Variants in EPG5 observed in about 807,000 individuals in gnomAD.
The protein encoded by EPG5 is ectopic P-granules 5 autophagy tethering factor.
EPG5 carries 159 observed loss-of-function variants against 302.7 expected under a neutral mutation model. The observed-to-expected ratio is 0.53, with a 90% CI of 0.46 to 0.60. EPG5 has a LOEUF of 0.60. EPG5 is among the 20% of genes least tolerant of loss of function. The pLI is 0.00. For synonymous variants in EPG5, 1,158 were observed against 1,136.8 expected (o/e 1.02, Z -0.37); for missense variants, 2,896 against 3,092.4 (o/e 0.94, Z 1.51).
rs183478189 is a variant in EPG5, at chr18:45,955,139, A to C, written c.263T>G (p.Leu88Ter). 11 of 1,614,012 alleles carry C rather than the reference A, an allele frequency of 6.8e-6. No individual in the cohort carries two copies. In the Admixed American group the frequency reaches 1.7e-4, roughly 24 times the overall value. ...CAGGGACTCTTCATTGCTTATAGTT[A>C]AGGAGGTGAGTGGTACATCAAACAT... Reference protein sequence around the residue: ...SEMFDVPLTSLTISNEESLTC... With the variant: ...SEMFDVPLTS The change falls in exon 2 of 44, where the codon TTA (leucine) becomes TGA (stop). Residue 88 changes from leucine (L) to a stop codon, truncating the protein, a stop_gained. Coordinates refer to ENST00000282041, the MANE Select transcript of EPG5 (RefSeq NM_020964.3). LOFTEE classifies it high-confidence loss of function.
downstream of EPG5, among the ~76,000 whole-genome samples, chr18:45,845,173 G>T (rs944436327): frequency 6.6e-6 from 1 of 152,212 alleles, no homozygotes; most frequent in African/African-American, 2.4e-5. Flanking sequence ...AACGGTGCCA[G>T]GTAATCAGCT....
chr18:45,916,660 A>T, intron 17 of EPG5, 78 bp from the exon 18 acceptor site: 1 of 1,429,140 alleles, frequency 7.0e-7, no homozygotes, highest in Middle Eastern at 1.8e-4. Context: ...TTATGAGGAA[A>T]CAGAAAATTC....
chr18:45,882,832 A>G (rs1042188788), intron 30 of EPG5, among the ~76,000 whole-genome samples: 4 of 151,956 alleles, frequency 2.6e-5, no homozygotes, highest in Non-Finnish European at 5.9e-5. Flanking sequence ...ACATGGAGAA[A>G]TCCGGTCTCT....
At chr18:45,842,461 G>A in the EPG5 span, 1 of 416,366 alleles carries the variant, frequency 2.4e-6, no homozygotes, top group South Asian at 3.6e-5. Flanking sequence ...GAGAGAGAGA[G>A]TACACGCATT....
intron 39 of EPG5, among the ~76,000 whole-genome samples, chr18:45,862,770 C>A (rs2048663467): frequency 6.6e-6 from 1 of 152,188 alleles, no homozygotes; most frequent in Non-Finnish European, 1.5e-5. Context: ...CCAATTAAAC[C>A]TGTTTTCCTT....
At chr18:45,930,591 G>A (rs1247728413) in intron 12 of EPG5, 85 bp downstream of exon 12, 1 of 1,165,712 alleles carries the variant, frequency 8.6e-7, no homozygotes. Flanking sequence ...GTCACAATTT[G>A]TAAAAGCAAT....
At position 45,852,580 on chromosome 18, in the gene EPG5, C is replaced by T. The variant is rs1172390303; in HGVS notation, c.7627G>A (p.Ala2543Thr). ...CCAGGATGCCTTATAAATTGGGTGG[C>T]TTGCAATATTTGATCCTGGTATTCA... ...YVEYQDQILQ[A>T]TQFIRHPGHC... Residue 2543 changes from alanine to threonine, a missense_variant, in exon 44 of 44, where the codon GCC becomes ACC. Physicochemically the swap from Ala to Thr is moderately conservative, Grantham distance 58. Coordinates refer to ENST00000282041, the MANE Select transcript of EPG5 (RefSeq NM_020964.3). 3.1e-6 allele frequency: 5 copies of T among 1,614,160 alleles called. 1 individual carries two copies. Among genetic ancestry groups the T allele is most frequent in the East Asian group, 4.5e-5 (2 of 44,884 alleles).
chr18:45,936,581 A>T (rs2050529007), intron 10 of EPG5, among the ~76,000 whole-genome samples: 1 of 152,024 alleles, frequency 6.6e-6, no homozygotes, highest in South Asian at 2.1e-4. Context: ...TATAAAAATT[A>T]GCCGGGCACG....
At chr18:45,898,291 C>G (rs1217507397) in intron 27 of EPG5, among the ~76,000 whole-genome samples, 5 of 152,184 alleles carry the variant, frequency 3.3e-5, no homozygotes, top group African/African-American at 1.2e-4. Flanking sequence ...TGTGGCACTT[C>G]AGGTGAGCAA....
the EPG5 span, among the ~76,000 whole-genome samples, chr18:45,836,198 G>A: frequency 6.6e-6 from 1 of 152,128 alleles, no homozygotes; most frequent in African/African-American, 2.4e-5. Flanking sequence ...GGTCAGAAAA[G>A]TCATATTTCT....
At chr18:45,878,473 A>G in intron 33 of EPG5, 25 bp from the exon 34 acceptor site, 2 of 1,497,514 alleles carry the variant, frequency 1.3e-6, no homozygotes, top group Non-Finnish European at 1.9e-6. Flanking sequence ...AGACAAAACA[A>G]AGGTCATCAT....
intron 13 of EPG5, among the ~76,000 whole-genome samples, chr18:45,927,744 A>T (rs1356557620): frequency 1.3e-5 from 2 of 152,102 alleles, no homozygotes; most frequent in African/African-American, 2.4e-5. Context: ...AGTCACAAAG[A>T]CCATATATTA....
chr18:45,920,442 G>A (rs191257575), intron 16 of EPG5, among the ~76,000 whole-genome samples: 65 of 152,256 alleles, frequency 4.3e-4, no homozygotes, highest in African/African-American at 1.6e-3. Context: ...ATGTTGCACT[G>A]CTATAAAGGA....
the EPG5 span, among the ~76,000 whole-genome samples, chr18:45,803,599 G>T: frequency 6.6e-6 from 1 of 152,114 alleles, no homozygotes; most frequent in Non-Finnish European, 1.5e-5. Context: ...GAAAGTGAGG[G>T]AGAATCCTCA....
rs1599590858 is a variant in EPG5, at chr18:45,927,831, A to G, written c.2553+1038T>C. On this transcript the variant is annotated intron_variant, in intron 13 of 43. Transcript: ENST00000282041. ...ACATTAGATTAGGGCTTAGGGCCCT[A>G]ATCTATGAAAGGTGCTTAGGACCCC... is the stretch of plus-strand genomic sequence containing the variant. 3.9e-5 allele frequency among the ~76,000 whole-genome samples: 6 copies of G among 152,144 alleles called. 1 individual carries two copies. The highest frequency in any genetic ancestry group is 3.9e-4 in the Admixed American group (6 of 15,286).
chr18:45,872,386 T>C (rs1220297334), intron 35 of EPG5, among the ~76,000 whole-genome samples: 1 of 152,104 alleles, frequency 6.6e-6, no homozygotes, highest in Non-Finnish European at 1.5e-5. Context: ...AACCTGATGG[T>C]TTCTCAACAC....
intron 43 of EPG5, chr18:45,855,329 G>C: frequency 2.4e-6 from 1 of 419,960 alleles, no homozygotes; most frequent in Admixed American, 3.8e-5. Flanking sequence ...TTTAATGCTA[G>C]ACAGACTTTT....
At chr18:45,906,635 C>G (rs2049757700) in intron 24 of EPG5, among the ~76,000 whole-genome samples, 1 of 151,942 alleles carries the variant, frequency 6.6e-6, no homozygotes, top group South Asian at 2.1e-4. Flanking sequence ...CCATAGTACC[C>G]TGTGCATTCC....
At chr18:45,910,796 G>C in intron 22 of EPG5, 54 bp from the exon 23 acceptor site, 4 of 1,441,358 alleles carry the variant, frequency 2.8e-6, no homozygotes, top group Non-Finnish European at 3.8e-6. Context: ...TGTACTTTCT[G>C]TATGGCATAA....
Sources: gnomAD v4.1 joint callset for allele counts (sites outside exome capture counted in the v4.1 genomes callset) on GRCh38, gnomAD v4.1.1 for gene constraint, MANE v1.5 for transcripts, NCBI Gene and HGNC (gene_info 2026-07-23, HGNC 2026-07-21) for gene names.